Variants in PRMT3 observed in about 807,000 individuals in gnomAD.
The protein encoded by PRMT3 is protein arginine methyltransferase 3.
A neutral mutation model predicts 71.9 loss-of-function variants in PRMT3; 62 were observed. The observed-to-expected ratio is 0.86, with a 90% CI of 0.70 to 1.07. PRMT3 has a LOEUF of 1.07. Among genes scored for constraint, PRMT3 ranks in the 50% least tolerant of loss-of-function variants. The pLI is 0.00. For missense variants in PRMT3, 663 were observed against 643.0 expected (o/e 1.03, Z -0.34); for synonymous variants, 213 against 220.4 (o/e 0.97, Z 0.30).
intron 5 of PRMT3, among the ~76,000 whole-genome samples, chr11:20,393,394 ACT>A (rs1040326146): frequency 4.6e-5 from 7 of 152,134 alleles, no homozygotes; most frequent in Non-Finnish European, 2.9e-5. Context: ...ACAGAGCAAG[ACT>A]CTGTCTAAAA....
chr11:20,480,631 T>G (rs1590098015), intron 13 of PRMT3, among the ~76,000 whole-genome samples: 2 of 152,242 alleles, frequency 1.3e-5, no homozygotes, highest in South Asian at 2.1e-4. Context: ...AGAGTGGATG[T>G]GGGAGGCCAA....
chr11:20,499,864 A>G (rs1851417379), intron 15 of PRMT3, among the ~76,000 whole-genome samples: 1 of 152,240 alleles, frequency 6.6e-6, no homozygotes, highest in East Asian at 1.9e-4. Context: ...TTCCGGTCCC[A>G]GGTAATGTGA....
At chr11:20,470,198 T>C (rs1477648294) in intron 13 of PRMT3, among the ~76,000 whole-genome samples, 1 of 152,210 alleles carries the variant, frequency 6.6e-6, no homozygotes, top group African/African-American at 2.4e-5. Context: ...TATTTATGTA[T>C]CTAAGCATAG....
At chr11:20,392,311 A>G (rs1276824197) in intron 4 of PRMT3, 51 bp downstream of exon 4, 1 of 1,511,048 alleles carries the variant, frequency 6.6e-7, no homozygotes, top group Non-Finnish European at 9.0e-7. Context: ...AAGAAATGCT[A>G]CAGTGACTGT....
intron 10 of PRMT3, among the ~76,000 whole-genome samples, chr11:20,428,715 A>G (rs1478218143): frequency 1.3e-5 from 2 of 152,194 alleles, no homozygotes; most frequent in Non-Finnish European, 2.9e-5. Context: ...GCCTTTACCA[A>G]GCTCCTATGA....
intron 15 of PRMT3, among the ~76,000 whole-genome samples, chr11:20,499,171 ATGTAT>A (rs886704244): frequency 7.9e-5 from 12 of 152,248 alleles, no homozygotes; most frequent in East Asian, 1.9e-4. Context: ...GAAATATTTA[ATGTAT>A]TGTAAAGTTT....
chr11:20,408,071 A>T, intron 9 of PRMT3, 39 bp downstream of exon 9: 1 of 1,382,120 alleles, frequency 7.2e-7, no homozygotes, highest in South Asian at 1.4e-5. Context: ...ATTATTTTAA[A>T]ATTTAATGAT....
intron 15 of PRMT3, among the ~76,000 whole-genome samples, chr11:20,507,271 G>C (rs562828420): frequency 6.6e-6 from 1 of 152,126 alleles, no homozygotes; most frequent in South Asian, 2.1e-4. Flanking sequence ...TTGTGTAATT[G>C]TTAGTATAGC....
chr11:20,489,674 G>A (rs1851162083), intron 13 of PRMT3, among the ~76,000 whole-genome samples: 1 of 151,716 alleles, frequency 6.6e-6, no homozygotes, highest in African/African-American at 2.4e-5. Context: ...CTGATATTTG[G>A]TTATATCATT....
At chr11:20,482,559 C>T (rs1329744883) in intron 13 of PRMT3, among the ~76,000 whole-genome samples, 3 of 152,016 alleles carry the variant, frequency 2.0e-5, no homozygotes, top group Non-Finnish European at 4.4e-5. Flanking sequence ...ATCACAGAGG[C>T]TGTCAATTAA....
chr11:20,409,654 A>ACACAC (rs1555008187), intron 9 of PRMT3, among the ~76,000 whole-genome samples: 5 of 144,238 alleles, frequency 3.5e-5, no homozygotes, highest in Admixed American at 7.0e-5. Flanking sequence ...GGAATACACA[A>ACACAC]ACACACACAC....
At chr11:20,464,365 G>A (rs529590702) in intron 12 of PRMT3, 95 bp from the exon 13 acceptor site, 4 of 1,434,260 alleles carry the variant, frequency 2.8e-6, no homozygotes, top group South Asian at 1.5e-5. Flanking sequence ...CATAAAAGAA[G>A]TAATGTTTGT....
intron 7 of PRMT3, among the ~76,000 whole-genome samples, chr11:20,398,748 A>G (rs1332560707): frequency 1.3e-5 from 2 of 152,226 alleles, no homozygotes; most frequent in South Asian, 2.1e-4. Context: ...TATTCAGTAC[A>G]GTGACATGCT....
intron 10 of PRMT3, among the ~76,000 whole-genome samples, chr11:20,438,006 C>T (rs1849800414): frequency 6.6e-6 from 1 of 152,180 alleles, no homozygotes; most frequent in Non-Finnish European, 1.5e-5. Flanking sequence ...ACATGGTCTA[C>T]AAGCAGCAGC....
chr11:20,388,682 T>G (rs1015693591), intron 2 of PRMT3, among the ~76,000 whole-genome samples: 1 of 152,212 alleles, frequency 6.6e-6, no homozygotes, highest in Non-Finnish European at 1.5e-5. Context: ...GTTTCCATAG[T>G]CTAAGAAGGA....
intron 11 of PRMT3, among the ~76,000 whole-genome samples, chr11:20,454,773 G>A (rs1850230919): frequency 6.6e-6 from 1 of 151,968 alleles, no homozygotes; most frequent in Non-Finnish European, 1.5e-5. Context: ...ATGAGAGAGG[G>A]AAAATATTGA....
intron 13 of PRMT3, among the ~76,000 whole-genome samples, chr11:20,491,255 C>T (rs184945481): frequency 1.4e-4 from 22 of 152,146 alleles, no homozygotes; most frequent in East Asian, 9.7e-4. Context: ...TTTCTGTCAC[C>T]GTTGGAACAT....
intron 9 of PRMT3, 124 bp downstream of exon 9, chr11:20,408,156 C>T: frequency 1.7e-6 from 1 of 593,436 alleles, no homozygotes; most frequent in East Asian, 3.5e-5. Context: ...TAAAAATTCA[C>T]TCCAGAATAA....
intron 13 of PRMT3, among the ~76,000 whole-genome samples, chr11:20,475,189 G>A (rs894958991): frequency 3.3e-5 from 5 of 152,180 alleles, no homozygotes; most frequent in Admixed American, 1.3e-4. Flanking sequence ...ACAAAGCAAG[G>A]AGGCTTGAAC....
Sources: allele counts gnomAD v4.1 joint callset (sites outside exome capture counted in the v4.1 genomes callset), GRCh38; gene constraint gnomAD v4.1.1; transcripts MANE v1.5; gene names NCBI Gene and HGNC (gene_info 2026-07-23, HGNC 2026-07-21).